The following TRAPPC9 variants were observed in gnomAD, a reference collection of about 807,000 sequenced individuals.
TRAPPC9 encodes the protein IKK2 binding protein.
Under a neutral mutation model 124.0 loss-of-function variants are expected in TRAPPC9, and 83 were observed. That is an observed-to-expected ratio of 0.67 (90% CI 0.56 to 0.80). The LOEUF (loss-of-function observed/expected upper bound fraction) is 0.80, where lower values mean the gene tolerates loss of function less well. Ranked by LOEUF, TRAPPC9 falls within the 30% of genes least tolerant of loss-of-function variation. The pLI, the probability that TRAPPC9 is intolerant of heterozygous loss-of-function variation, is 0.00. For missense variants in TRAPPC9, 1,302 were observed against 1,508.3 expected (o/e 0.86, Z 2.27); for synonymous variants, 638 against 617.5 (o/e 1.03, Z -0.49).
At position 139,825,427 on chromosome 8, in the gene TRAPPC9, C is replaced by G. The variant is rs1586927270; in HGVS notation, c.3055+60452G>C. On this transcript the variant is annotated intron_variant, in intron 21 of 22. Transcript: ENST00000438773. The surrounding 1 kb of genome is among the most constrained non-coding windows in gnomAD (Gnocchi z 4.6). The stretch of plus-strand genomic sequence containing the variant: ...AGGATAAGGAATGACGGGCTGTGGG[C>G]CCAGGAAGTGCTTCCCGGGCGCCGG... Among the ~76,000 whole-genome samples, 1 of 152,102 alleles carries G rather than the reference C, an allele frequency of 6.6e-6. No homozygotes were observed. The highest frequency in any genetic ancestry group is 1.5e-5 in the Non-Finnish European group (1 of 67,974).
intron 18 of TRAPPC9, among the ~76,000 whole-genome samples, chr8:139,997,281 C>T (rs1045632433): frequency 2.6e-5 from 4 of 151,860 alleles, no homozygotes; most frequent in African/African-American, 9.7e-5. Context: ...GGAGACAATG[C>T]ACCCTACACA....
rs977837234 is a variant in TRAPPC9 at position 140,137,147 on chromosome 8, T to C, written c.2556+84312A>G. Reference sequence around the variant, plus strand: ...GGGCTCGGGCAATGCACACCCACCATGGCCTGACAATTTTAACTTGAAACA... The same window carrying C: ...GGGCTCGGGCAATGCACACCCACCACGGCCTGACAATTTTAACTTGAAACA... On this transcript the variant is annotated intron_variant, in intron 17 of 22. Coordinates refer to ENST00000438773, the MANE Select transcript of TRAPPC9 (RefSeq NM_001160372.4). Among the ~76,000 whole-genome samples the C allele has an allele frequency of 3.3e-5, 5 of 152,238 alleles. No individual in the cohort carries two copies. The East Asian group carries it at 9.7e-4, about 30-fold the overall frequency.
At chr8:140,369,321 C>T (rs1192314368) in intron 8 of TRAPPC9, among the ~76,000 whole-genome samples, 1 of 152,128 alleles carries the variant, frequency 6.6e-6, no homozygotes, top group Non-Finnish European at 1.5e-5. Context: ...GTGCAAACAC[C>T]GGGAAGCTGT....
At chr8:140,450,051 C>T (rs1264295028) in intron 2 of TRAPPC9, among the ~76,000 whole-genome samples, 1 of 152,168 alleles carries the variant, frequency 6.6e-6, no homozygotes, top group African/African-American at 2.4e-5. Context: ...AACATGTAAT[C>T]TGTATAAAAC....
intron 21 of TRAPPC9, among the ~76,000 whole-genome samples, chr8:139,883,941 A>C (rs911780978): frequency 3.3e-5 from 5 of 152,158 alleles, no homozygotes; most frequent in African/African-American, 1.2e-4. Context: ...GGCAGCTCTT[A>C]TGCAAAATGC....
chr8:140,402,863 T>G (rs11996125), intron 6 of TRAPPC9, among the ~76,000 whole-genome samples: 4,910 of 152,136 alleles, frequency 0.032, 259 homozygotes, highest in African/African-American at 0.11. Flanking sequence ...GAAAAAAATA[T>G]GAATTCAATA....
intron 17 of TRAPPC9, among the ~76,000 whole-genome samples, chr8:140,130,819 A>C (rs772161807): frequency 6.6e-6 from 1 of 152,166 alleles, no homozygotes; most frequent in African/African-American, 2.4e-5. Flanking sequence ...ACTATGCTTC[A>C]ATCTTCTGTA....
chr8:139,775,158 C>G lies in TRAPPC9; in HGVS notation c.3056-42956G>C, dbSNP rs564742226. On this transcript the variant is annotated intron_variant, in intron 21 of 22. Coordinates refer to ENST00000438773, the MANE Select transcript of TRAPPC9 (RefSeq NM_001160372.4). ...CTCTGGGGAACCCTGGGCCTCTGCACAGACTCACATCCACCCAGGGGCTCA... is the reference window on the plus strand; with the variant it reads ...CTCTGGGGAACCCTGGGCCTCTGCAGAGACTCACATCCACCCAGGGGCTCA... Among the ~76,000 whole-genome samples the G allele has an allele frequency of 1.1e-4, 17 of 152,294 alleles. No homozygotes were observed. The South Asian group carries it at 3.3e-3, about 30-fold the overall frequency.
intron 21 of TRAPPC9, among the ~76,000 whole-genome samples, chr8:139,829,257 C>T (rs1825822360): frequency 6.6e-6 from 1 of 152,282 alleles, no homozygotes; most frequent in Non-Finnish European, 1.5e-5. Flanking sequence ...CCCATCACTG[C>T]TTTGGTGCGT....
intron 3 of TRAPPC9, among the ~76,000 whole-genome samples, chr8:140,438,771 C>T (rs908297103): frequency 1.3e-5 from 2 of 152,256 alleles, no homozygotes; most frequent in African/African-American, 2.4e-5. Context: ...CTGCTCACTG[C>T]AACTTCTGCC....
At chr8:140,006,661 A>G (rs1167603782) in intron 18 of TRAPPC9, among the ~76,000 whole-genome samples, 2 of 152,270 alleles carry the variant, frequency 1.3e-5, no homozygotes, top group East Asian at 3.8e-4. Flanking sequence ...TTATTCAGCA[A>G]TAAAAAGAAA....
intron 17 of TRAPPC9, among the ~76,000 whole-genome samples, chr8:140,048,178 T>A (rs1841744909): frequency 6.6e-6 from 1 of 152,254 alleles, no homozygotes; most frequent in Non-Finnish European, 1.5e-5. Flanking sequence ...TGAGCATGCC[T>A]ATCTCCTTGT....
chr8:139,795,801 G>T (rs913326614), intron 21 of TRAPPC9, among the ~76,000 whole-genome samples: 6 of 152,106 alleles, frequency 3.9e-5, no homozygotes, highest in Non-Finnish European at 7.3e-5. Flanking sequence ...AATCAGCTGC[G>T]CACAAGCCAA....
rs1050228652 is a variant in TRAPPC9, at chr8:140,353,880, G to A, written c.1495+6170C>T. Among the ~76,000 whole-genome samples, 1 of 152,208 alleles carries A rather than the reference G, an allele frequency of 6.6e-6. No individual in the cohort carries two copies. The highest frequency in any genetic ancestry group is 2.4e-5 in the African/African-American group (1 of 41,462). Reference sequence around the variant, plus strand: ...ACAGTTGGTGTCTTTGAGGAGCTTAGAGGCTTGCTGGGTGGGCAAACAGAC... The same window carrying A: ...ACAGTTGGTGTCTTTGAGGAGCTTAAAGGCTTGCTGGGTGGGCAAACAGAC... On this transcript the variant is annotated intron_variant, in intron 9 of 22. Coordinates refer to ENST00000438773, the MANE Select transcript of TRAPPC9 (RefSeq NM_001160372.4). This position sits in a 1 kb window ranked among gnomAD's most constrained non-coding sequence, Gnocchi z 4.2.
chr8:139,990,353 C>T (rs1837548067), intron 18 of TRAPPC9, among the ~76,000 whole-genome samples: 1 of 152,180 alleles, frequency 6.6e-6, no homozygotes, highest in South Asian at 2.1e-4. Context: ...AGATGTGGAC[C>T]TCTATTCATT....
intron 17 of TRAPPC9, among the ~76,000 whole-genome samples, chr8:140,050,648 C>A (rs111856361): frequency 6.6e-6 from 1 of 152,130 alleles, no homozygotes; most frequent in Non-Finnish European, 1.5e-5. Context: ...CACCTCCACC[C>A]GGGGCACAGG....
chr8:140,084,166 T>C (rs78823592), intron 17 of TRAPPC9, among the ~76,000 whole-genome samples: 2,300 of 152,252 alleles, frequency 0.015, 65 homozygotes, highest in African/African-American at 0.052. Context: ...AATAACAACA[T>C]ACAATGATTG....
chr8:140,162,708 G>C (rs2061771885), intron 17 of TRAPPC9, among the ~76,000 whole-genome samples: 1 of 152,136 alleles, frequency 6.6e-6, no homozygotes, highest in Non-Finnish European at 1.5e-5. Flanking sequence ...TGGTTACAGG[G>C]GCCGGCACAG....
intron 17 of TRAPPC9, among the ~76,000 whole-genome samples, chr8:140,058,971 C>G (rs565948875): frequency 2.0e-5 from 3 of 152,156 alleles, no homozygotes; most frequent in East Asian, 1.9e-4. Flanking sequence ...GTTTTTAAAT[C>G]CATCGTAATG....
Sources: allele counts gnomAD v4.1 joint callset (sites outside exome capture counted in the v4.1 genomes callset), GRCh38; gene constraint gnomAD v4.1.1; non-coding constraint Gnocchi (gnomAD v3.1); transcripts MANE v1.5; gene names NCBI Gene and HGNC (gene_info 2026-07-23, HGNC 2026-07-21).